The following PDE1B variants were observed in gnomAD, a reference collection of about 807,000 sequenced individuals.
PDE1B encodes the protein phosphodiesterase 1B.
A neutral mutation model predicts 66.7 loss-of-function variants in PDE1B; 13 were observed. The observed-to-expected ratio is 0.19, with a 90% CI of 0.13 to 0.31. PDE1B has a LOEUF of 0.31. Ranked by LOEUF, PDE1B falls within the 10% of genes least tolerant of loss-of-function variation. The probability of loss-of-function intolerance (pLI) is 1.00; values close to 1 mark genes in which losing one functional copy is unlikely to be tolerated. For missense variants in PDE1B, 485 were observed against 682.3 expected, an observed-to-expected ratio of 0.71 and a Z score of 3.22; for synonymous variants, 230 against 253.9, an observed-to-expected ratio of 0.91 and a Z score of 0.90.
chr12:54,566,308 T>C (rs988593326), intron 2 of PDE1B, among the ~76,000 whole-genome samples: 3 of 152,186 alleles, frequency 2.0e-5, no homozygotes, highest in Non-Finnish European at 4.4e-5. Flanking sequence ...CTCTCTGGTG[T>C]AAGACTGGAA....
At chr12:54,576,478 C>G (rs1957750086) in intron 13 of PDE1B, 93 bp from the exon 14 acceptor site, 2 of 1,481,520 alleles carry the variant, frequency 1.3e-6, no homozygotes, top group Non-Finnish European at 1.9e-6. Flanking sequence ...TGAACCTTCT[C>G]CTGGTCTTCC....
chr12:54,561,544 G>A (rs376202872), intron 2 of PDE1B: 3 of 1,484,922 alleles, frequency 2.0e-6, no homozygotes, highest in African/African-American at 2.8e-5. Flanking sequence ...GGCTCCTGGG[G>A]TCAGGATTTT....
Position 54,573,111 on chromosome 12 carries a change from G to C in PDE1B, c.736-37G>C, listed in dbSNP as rs190044372. 6 of 1,481,300 alleles carry C rather than the reference G, an allele frequency of 4.1e-6. No individual in the cohort carries two copies. In the African/African-American group the frequency reaches 8.3e-5, roughly 20 times the overall value. The allele number at this position is 1,481,300 out of a possible 1,614,324, so 91.8% of individuals were successfully genotyped here. A position where few individuals can be genotyped will look rare whatever the true frequency, so the allele number is the denominator to read the frequency against. On this transcript the variant is annotated intron_variant, in intron 7 of 15. Coordinates refer to ENST00000243052, the MANE Select transcript of PDE1B (RefSeq NM_000924.4). This position sits in a 1 kb window ranked among gnomAD's most constrained non-coding sequence, Gnocchi z 5.2. ...GGTTCCTGGGAAGTGACCAGCAGGC[G>C]TCACCCCTCTCTCATTCTTTCTCTT...
At chr12:54,555,806 C>A (rs1957335048) in intron 2 of PDE1B, among the ~76,000 whole-genome samples, 1 of 152,172 alleles carries the variant, frequency 6.6e-6, no homozygotes, top group African/African-American at 2.4e-5. Flanking sequence ...CGCTATGAGG[C>A]TCCCTTTTGC....
rs1311041229 is a variant in PDE1B, at chr12:54,575,878, CCT to C, written c.1268-110_1268-109del. 5 of 842,786 alleles carry C rather than the reference CCT, an allele frequency of 5.9e-6. No individual in the cohort carries two copies. In the Admixed American group the frequency reaches 7.1e-5, roughly 12 times the overall value. 52.2% of individuals were successfully genotyped at this position (842,786 alleles called of 1,614,324 possible). ...TTGGGAAGTTTTCAGCCCCAGGTTA[CCT>C]CTCCATCCTCTTTCATAAGCAGCCA... On this transcript the variant is annotated intron_variant, in intron 12 of 15. Transcript: ENST00000243052. This position sits in a 1 kb window ranked among gnomAD's most constrained non-coding sequence, Gnocchi z 4.0.
chr12:54,572,598 C>A lies in PDE1B; in HGVS notation c.595-3C>A. ...TATCTCCATTTCCCCTAACTCCCCGCAGATTCCCACTGTGTTTTTGATGAG... is the reference window on the plus strand; with the variant it reads ...TATCTCCATTTCCCCTAACTCCCCGAAGATTCCCACTGTGTTTTTGATGAG... On this transcript the variant is annotated splice_polypyrimidine_tract_variant and splice_region_variant and intron_variant, in intron 6 of 15. Transcript: ENST00000243052. 2 of 1,613,046 alleles carry A rather than the reference C, an allele frequency of 1.2e-6. No individual in the cohort carries two copies. The highest frequency in any genetic ancestry group is 1.7e-6 in the Non-Finnish European group (2 of 1,179,064).
At chr12:54,577,464 G>A (rs758180172) in intron 15 of PDE1B, 119 bp downstream of exon 15, 1 of 1,602,734 alleles carries the variant, frequency 6.2e-7, no homozygotes, top group Non-Finnish European at 8.5e-7. Flanking sequence ...CAGTAAAATG[G>A]AGCGAGTGAA....
intron 2 of PDE1B, among the ~76,000 whole-genome samples, chr12:54,554,994 G>A (rs1009509428): frequency 3.9e-5 from 6 of 152,138 alleles, no homozygotes; most frequent in Admixed American, 1.3e-4. Context: ...GGTTTGAGCC[G>A]TGATTGAAGG....
chr12:54,557,277 G>A (rs907685872), intron 2 of PDE1B, among the ~76,000 whole-genome samples: 3 of 152,176 alleles, frequency 2.0e-5, no homozygotes, highest in African/African-American at 7.2e-5. Flanking sequence ...AAAATTTGCT[G>A]TTGTTTTTTA....
At position 54,575,267 on chromosome 12, in the gene PDE1B, C is replaced by G. The variant is rs201703482; in HGVS notation, c.1185+49C>G. 1.3e-6 allele frequency: 2 copies of G among 1,561,572 alleles called. No individual in the cohort carries two copies. The highest frequency in any genetic ancestry group is 1.1e-5 in the South Asian group (1 of 89,148). Reference sequence around the variant, plus strand: ...CTGTGCCTATGGGGGCCTTCTCTCCCCTTTTGCCCTCCAAGTTCCCCAATC... The same window carrying G: ...CTGTGCCTATGGGGGCCTTCTCTCCGCTTTTGCCCTCCAAGTTCCCCAATC... On this transcript the variant is annotated intron_variant, in intron 11 of 15. Coordinates refer to ENST00000243052, the MANE Select transcript of PDE1B (RefSeq NM_000924.4). The surrounding 1 kb of genome is among the most constrained non-coding windows in gnomAD (Gnocchi z 4.0).
intron 2 of PDE1B, chr12:54,561,370 C>T: frequency 5.7e-6 from 5 of 869,852 alleles, no homozygotes; most frequent in Non-Finnish European, 7.7e-6. Context: ...GCAGCCTCCC[C>T]TCTCACCCAG....
intron 2 of PDE1B, among the ~76,000 whole-genome samples, chr12:54,560,946 G>C (rs895501554): frequency 3.3e-5 from 5 of 152,046 alleles, no homozygotes; most frequent in African/African-American, 1.2e-4. Flanking sequence ...GTTGAGCCCG[G>C]TCTCTGGATA....
chr12:54,566,834 T>A, intron 2 of PDE1B, 140 bp from the exon 3 acceptor site: 1 of 470,238 alleles, frequency 2.1e-6, no homozygotes, highest in Non-Finnish European at 3.8e-6. Context: ...CATTAGCTGC[T>A]ATTATTATTA....
intron 6 of PDE1B, chr12:54,570,752 G>A (rs776556541): frequency 3.0e-5 from 6 of 198,602 alleles, no homozygotes; most frequent in East Asian, 1.1e-4. Flanking sequence ...TCCCTCCCCC[G>A]TCCCCCAGTT....
rs115787293 is a variant in PDE1B at position 54,561,713 on chromosome 12, T to C, written c.114-5261T>C. On this transcript the variant is annotated intron_variant, in intron 2 of 15. Transcript: ENST00000243052. ...GCTCATGGATCCACCAGTTGTAGTT[T>C]AGTGAAGTGGAGAGATCAAGACCTG... 1,298 of 1,100,940 alleles carry C rather than the reference T, an allele frequency of 1.2e-3. 17 individuals carry two copies. In the African/African-American group the frequency reaches 0.018, roughly 15 times the overall value. The allele number at this position is 1,100,940 out of a possible 1,614,324, so 68.2% of individuals were successfully genotyped here.
chr12:54,568,037 G>A (rs1957548085), intron 3 of PDE1B, among the ~76,000 whole-genome samples: 1 of 152,070 alleles, frequency 6.6e-6, no homozygotes, highest in Non-Finnish European at 1.5e-5. Context: ...TGTATTTTTA[G>A]TAGAGATGGG....
chr12:54,575,956 G>GT lies in PDE1B; in HGVS notation c.1268-35dup. 7.1e-7 allele frequency: 1 copy of GT among 1,409,766 alleles called. No individual in the cohort carries two copies. The highest frequency in any genetic ancestry group is 1.0e-6 in the Non-Finnish European group (1 of 994,310). 87.3% of individuals were successfully genotyped at this position (1,409,766 alleles called of 1,614,324 possible). On this transcript the variant is annotated intron_variant, in intron 12 of 15. Coordinates refer to ENST00000243052, the MANE Select transcript of PDE1B (RefSeq NM_000924.4). This position sits in a 1 kb window ranked among gnomAD's most constrained non-coding sequence, Gnocchi z 4.0. Reference sequence around the variant, plus strand: ...GCTCTGCCTAGCCCTCCAGATAATAGTAAGACATCTCTACGGCATTGCTCC... The same window carrying GT: ...GCTCTGCCTAGCCCTCCAGATAATAGTTAAGACATCTCTACGGCATTGCTCC...
Position 54,561,538 on chromosome 12 carries a change from C to G in PDE1B, c.114-5436C>G, listed in dbSNP as rs773593139. On this transcript the variant is annotated intron_variant, in intron 2 of 15. Coordinates refer to ENST00000243052, the MANE Select transcript of PDE1B (RefSeq NM_000924.4). ...GTCCCCTCTTGGGGGCCCTGGGGCT[C>G]CTGGGGTCAGGATTTTGATACTCTG... 27 of 1,476,076 alleles carry G rather than the reference C, an allele frequency of 1.8e-5. No homozygotes were observed. In the African/African-American group the frequency reaches 3.7e-4, roughly 20 times the overall value. The allele number at this position is 1,476,076 out of a possible 1,614,324, so 91.4% of individuals were successfully genotyped here. A position where few individuals can be genotyped will look rare whatever the true frequency, so the allele number is the denominator to read the frequency against.
chr12:54,556,154 G>T (rs975986880), intron 2 of PDE1B, among the ~76,000 whole-genome samples: 3 of 152,194 alleles, frequency 2.0e-5, no homozygotes, highest in Non-Finnish European at 4.4e-5. Flanking sequence ...AAGTTGAGTA[G>T]CTATTTTCCA....
Sources: allele counts gnomAD v4.1 joint callset (sites outside exome capture counted in the v4.1 genomes callset), GRCh38; gene constraint gnomAD v4.1.1; non-coding constraint Gnocchi (gnomAD v3.1); transcripts MANE v1.5; gene names NCBI Gene and HGNC (gene_info 2026-07-23, HGNC 2026-07-21).